The following PDE6C variants were observed in gnomAD, a reference collection of about 807,000 sequenced individuals.
PDE6C encodes the protein cone cGMP-specific 3',5'-cyclic phosphodiesterase subunit alpha'.
Under a neutral mutation model 113.1 loss-of-function variants are expected in PDE6C, and 75 were observed. That is an observed-to-expected ratio of 0.66 (90% CI 0.55 to 0.80). The LOEUF is 0.80. Ranked by LOEUF, PDE6C falls within the 30% of genes least tolerant of loss-of-function variation. The pLI is 0.00. For synonymous variants in PDE6C, 375 were observed against 363.7 expected, an observed-to-expected ratio of 1.03 and a Z score of -0.35; for missense variants, 912 against 1,038.6, an observed-to-expected ratio of 0.88 and a Z score of 1.67.
At chr10:93,655,628 AG>A (rs397944075) in intron 15 of PDE6C, 131 bp from the exon 16 acceptor site, 29 of 544,784 alleles carry the variant, frequency 5.3e-5, no homozygotes, top group Admixed American at 1.2e-4. Context: ...AAAAAAAAAA[AG>A]GAAGGAAAAC....
rs1229169743 is a variant in PDE6C at position 93,612,985 on chromosome 10, T to A, written c.260T>A (p.Leu87Gln). Residue 87 changes from leucine to glutamine, a missense_variant, in exon 1 of 22, where the codon CTG (leucine) becomes CAG (glutamine). By Grantham distance (113) the Leu-to-Gln change is moderately radical. Coordinates refer to ENST00000371447, the MANE Select transcript of PDE6C (RefSeq NM_006204.4). ...EQGVHRALQRLAHLLQADRCS... is the reference protein window; with the variant it reads ...EQGVHRALQRQAHLLQADRCS... ...GGGGTTCACAGGGCCCTGCAGAGGC[T>A]GGCCCACCTGCTCCAGGCTGACCGC... is the stretch of plus-strand genomic sequence containing the variant. 2 of 1,614,022 alleles carry A rather than the reference T, an allele frequency of 1.2e-6. No individual in the cohort carries two copies.
chr10:93,661,903 C>CTGT (rs2058667513), intron 18 of PDE6C, among the ~76,000 whole-genome samples, 156 bp from the exon 19 acceptor site: 1 of 152,176 alleles, frequency 6.6e-6, no homozygotes, highest in East Asian at 1.9e-4. Flanking sequence ...TCAATATAAT[C>CTGT]TGTAAATGAC....
At chr10:93,641,368 C>T (rs537108693) in intron 14 of PDE6C, among the ~76,000 whole-genome samples, 5 of 152,190 alleles carry the variant, frequency 3.3e-5, no homozygotes, top group Admixed American at 1.3e-4. Context: ...CACAGTGGCT[C>T]GCACCTGAAA....
At position 93,626,627 on chromosome 10, in the gene PDE6C, C is replaced by A; in HGVS notation, c.940-13C>A. On this transcript the variant is annotated splice_polypyrimidine_tract_variant and intron_variant, in intron 5 of 21. Transcript: ENST00000371447. ...AATAACATTATTCCCATAATATCCT[C>A]TTTCTTTCTTAGGAAGTCAACTTTT... is the stretch of plus-strand genomic sequence containing the variant. The A allele has an allele frequency of 7.1e-7, 1 of 1,402,038 alleles. No homozygotes were observed. The allele number at this position is 1,402,038 out of a possible 1,614,324, so 86.8% of individuals were successfully genotyped here. A position where few individuals can be genotyped will look rare whatever the true frequency, so the allele number is the denominator to read the frequency against.
At chr10:93,628,601 TAAAATC>T (rs914786724) in intron 7 of PDE6C, among the ~76,000 whole-genome samples, 5 of 152,066 alleles carry the variant, frequency 3.3e-5, no homozygotes, top group Non-Finnish European at 2.9e-5. Context: ...ATATAAAAAA[TAAAATC>T]AAATAAAATG....
Position 93,658,818 on chromosome 10 carries a change from G to A in PDE6C, c.2037-83G>A, listed in dbSNP as rs900559243. ...ACATCACAATGCAAAGTGGGAACGT[G>A]AAATCTGAAAAGCATGTATTTAAGA... On this transcript the variant is annotated intron_variant, in intron 16 of 21. Coordinates refer to ENST00000371447, the MANE Select transcript of PDE6C (RefSeq NM_006204.4). 1.1e-4 allele frequency: 95 copies of A among 852,534 alleles called. No individual in the cohort carries two copies. The African/African-American group carries it at 1.3e-3, about 11-fold the overall frequency. The allele number at this position is 852,534 out of a possible 1,614,324, so 52.8% of individuals were successfully genotyped here.
chr10:93,613,011 T>G lies in PDE6C; in HGVS notation c.286T>G (p.Cys96Gly), dbSNP rs1421844115. ...RLAHLLQADR[C>G]SMFLCRSRNG... ...GGCCCACCTGCTCCAGGCTGACCGC[T>G]GCAGCATGTTCCTGTGCCGGTCCCG... Residue 96 changes from cysteine (C) to glycine (G), a missense_variant, in exon 1 of 22, where the codon TGC becomes GGC. By Grantham distance (159) the Cys-to-Gly change is radical (BLOSUM62 -3). Transcript: ENST00000371447. 6.2e-7 allele frequency: 1 copy of G among 1,614,156 alleles called. No individual in the cohort carries two copies. Among genetic ancestry groups the G allele is most frequent in the Admixed American group, 1.7e-5 (1 of 60,022 alleles).
chr10:93,616,170 T>C (rs1224046992), intron 1 of PDE6C, among the ~76,000 whole-genome samples: 1 of 152,214 alleles, frequency 6.6e-6, no homozygotes, highest in African/African-American at 2.4e-5. Context: ...CGTTCAAAGT[T>C]AGGTAGACAG....
intron 1 of PDE6C, among the ~76,000 whole-genome samples, chr10:93,614,289 C>T (rs756196599): frequency 8.5e-5 from 13 of 152,130 alleles, no homozygotes; most frequent in Non-Finnish European, 1.8e-4. Context: ...GAGGGTCACA[C>T]GGACCCAAGA....
rs1803370930 is a variant in PDE6C at position 93,613,033 on chromosome 10, C to T, written c.308C>T (p.Ser103Phe). The T allele has an allele frequency of 6.2e-7, 1 of 1,614,170 alleles. No individual in the cohort carries two copies. Residue 103 changes from serine (S) to phenylalanine (F), a missense_variant, in exon 1 of 22, where the codon TCC (serine) becomes TTC (phenylalanine). Transcript: ENST00000371447. The stretch of plus-strand genomic sequence containing the variant: ...CGCTGCAGCATGTTCCTGTGCCGGT[C>T]CCGGAACGGCATACCTGAGGTGGCC... ...ADRCSMFLCR[S>F]RNGIPEVASR... is the part of the protein sequence containing the mutation.
At position 93,621,541 on chromosome 10, in the gene PDE6C, A is replaced by G. The variant is rs181705947; in HGVS notation, c.724-391A>G. Among the ~76,000 whole-genome samples the G allele has an allele frequency of 5.9e-5, 9 of 152,214 alleles. No individual in the cohort carries two copies. In the East Asian group the frequency reaches 1.2e-3, roughly 20 times the overall value. On this transcript the variant is annotated intron_variant, in intron 3 of 21. Transcript: ENST00000371447. ...TCTCCAGGTAAGGTTACCTCTGACTATCTCAGGATGCATGGAAGGAGGTAT... is the reference window on the plus strand; with the variant it reads ...TCTCCAGGTAAGGTTACCTCTGACTGTCTCAGGATGCATGGAAGGAGGTAT...
intron 8 of PDE6C, among the ~76,000 whole-genome samples, chr10:93,631,200 A>G (rs1395857025): frequency 6.6e-6 from 1 of 152,228 alleles, no homozygotes; most frequent in Non-Finnish European, 1.5e-5. Context: ...ATAAACCTCC[A>G]GGCCACAGGG....
chr10:93,640,648 G>A, intron 13 of PDE6C, 91 bp downstream of exon 13: 2 of 982,822 alleles, frequency 2.0e-6, no homozygotes, highest in Non-Finnish European at 3.3e-6. Flanking sequence ...TTTTAGATCA[G>A]TAATTTAAAA....
chr10:93,659,183 T>C lies in PDE6C; in HGVS notation c.2208+16T>C. ...GCAAAGTCAGGTGAGTCCAGTTAAG[T>C]TTTCTTTTCTGTCACACTGTCAGGT... is the stretch of plus-strand genomic sequence containing the variant. On this transcript the variant is annotated intron_variant, in intron 18 of 21. Coordinates refer to ENST00000371447, the MANE Select transcript of PDE6C (RefSeq NM_006204.4). 6.3e-7 allele frequency: 1 copy of C among 1,574,972 alleles called. No homozygotes were observed. Among genetic ancestry groups the C allele is most frequent in the South Asian group, 1.1e-5 (1 of 89,900 alleles).
chr10:93,616,413 T>C (rs1755542902), intron 1 of PDE6C, among the ~76,000 whole-genome samples: 1 of 152,104 alleles, frequency 6.6e-6, no homozygotes, highest in South Asian at 2.1e-4. Context: ...CAGACCTGGG[T>C]GAAGATCCAT....
intron 8 of PDE6C, among the ~76,000 whole-genome samples, chr10:93,631,635 G>A (rs531401698): frequency 4.2e-4 from 64 of 152,272 alleles, no homozygotes; most frequent in Non-Finnish European, 8.2e-4. Context: ...GCATCATTCC[G>A]CACAGCGGAC....
intron 4 of PDE6C, among the ~76,000 whole-genome samples, chr10:93,622,721 T>G (rs2134596154): frequency 6.6e-6 from 1 of 150,694 alleles, no homozygotes; most frequent in South Asian, 2.1e-4. Context: ...GCCATATAGT[T>G]GGAATCATAC....
At chr10:93,641,547 G>A (rs1045292932) in intron 14 of PDE6C, among the ~76,000 whole-genome samples, 9 of 152,134 alleles carry the variant, frequency 5.9e-5, no homozygotes, top group African/African-American at 2.2e-4. Flanking sequence ...GTGCCTCTGA[G>A]GTAGGAGAAA....
chr10:93,647,404 G>T (rs1205614588), intron 15 of PDE6C, among the ~76,000 whole-genome samples: 1 of 152,084 alleles, frequency 6.6e-6, no homozygotes, highest in Non-Finnish European at 1.5e-5. Flanking sequence ...AATCCAAGAT[G>T]GTCCTCATAA....
Sources: gnomAD v4.1 joint callset for allele counts (sites outside exome capture counted in the v4.1 genomes callset) on GRCh38, gnomAD v4.1.1 for gene constraint, MANE v1.5 for transcripts, NCBI Gene and HGNC (gene_info 2026-07-23, HGNC 2026-07-21) for gene names.